The following DLG2 variants were observed in gnomAD, a reference collection of about 807,000 sequenced individuals.
DLG2 encodes disks large homolog 2.
DLG2 carries 45 observed loss-of-function variants against 132.5 expected under a neutral mutation model. The ratio of observed to expected loss-of-function variants is 0.34; its 90% CI spans 0.27 to 0.44. DLG2 has a LOEUF of 0.44. Among genes scored for constraint, DLG2 ranks in the 20% least tolerant of loss-of-function variants. DLG2 has a pLI of 1.00. For missense variants in DLG2, 1,045 were observed against 1,196.9 expected, an observed-to-expected ratio of 0.87 and a Z score of 1.87; for synonymous variants, 424 against 419.6, an observed-to-expected ratio of 1.01 and a Z score of -0.13.
intron 4 of DLG2, among the ~76,000 whole-genome samples, chr11:85,177,558 C>A (rs1260869393): frequency 1.3e-5 from 2 of 152,066 alleles, no homozygotes; most frequent in Admixed American, 1.3e-4. Flanking sequence ...GGAAGAAAAG[C>A]TAATGGATGC....
chr11:84,663,929 C>T (rs1021649216), intron 6 of DLG2, among the ~76,000 whole-genome samples: 7 of 152,148 alleles, frequency 4.6e-5, no homozygotes, highest in Non-Finnish European at 1.0e-4. Context: ...AGATCTGGTG[C>T]CCAGGCAGGC....
chr11:84,905,393 C>A (rs1018023020), intron 6 of DLG2, among the ~76,000 whole-genome samples: 1 of 152,132 alleles, frequency 6.6e-6, no homozygotes, highest in Non-Finnish European at 1.5e-5. Flanking sequence ...TAAAAGACAG[C>A]CCCCAATAGA....
At chr11:84,755,577 C>T (rs537221548) in intron 6 of DLG2, among the ~76,000 whole-genome samples, 1 of 152,338 alleles carries the variant, frequency 6.6e-6, no homozygotes, top group African/African-American at 2.4e-5. Context: ...GCACCCGCCA[C>T]CACGCCCGGC....
intron 6 of DLG2, among the ~76,000 whole-genome samples, chr11:84,889,327 G>A (rs1425778797): frequency 6.6e-6 from 1 of 152,132 alleles, no homozygotes; most frequent in Non-Finnish European, 1.5e-5. Flanking sequence ...ACTGAGGGCT[G>A]TAAAAATCTC....
intron 15 of DLG2, among the ~76,000 whole-genome samples, chr11:83,890,717 A>T (rs2069545075): frequency 6.6e-6 from 1 of 152,196 alleles, no homozygotes; most frequent in Non-Finnish European, 1.5e-5. Context: ...GCAAAGTATG[A>T]AGCATGGAAA....
chr11:83,640,791 T>G (rs551736826), intron 18 of DLG2, among the ~76,000 whole-genome samples: 1 of 152,204 alleles, frequency 6.6e-6, no homozygotes, highest in Non-Finnish European at 1.5e-5. Context: ...CCTTCTATCA[T>G]GGAAAGACGC....
intron 6 of DLG2, among the ~76,000 whole-genome samples, chr11:84,764,466 G>A (rs2068105360): frequency 1.3e-5 from 2 of 152,010 alleles, no homozygotes; most frequent in Admixed American, 6.6e-5. Flanking sequence ...CTCATTTTCT[G>A]CCAAGCACTG....
intron 4 of DLG2, among the ~76,000 whole-genome samples, chr11:85,283,657 G>A (rs748826666): frequency 4.0e-5 from 6 of 151,668 alleles, no homozygotes; most frequent in South Asian, 2.1e-4. Flanking sequence ...TAGTGAACAC[G>A]TAACTGCAAT....
chr11:83,505,004 C>T (rs943283362), intron 21 of DLG2, among the ~76,000 whole-genome samples: 2 of 151,998 alleles, frequency 1.3e-5, no homozygotes, highest in African/African-American at 4.8e-5. Context: ...AAAGTGAGTG[C>T]CTTGGTCAGA....
intron 18 of DLG2, among the ~76,000 whole-genome samples, chr11:83,644,895 T>C (rs1438578221): frequency 6.6e-6 from 1 of 152,128 alleles, no homozygotes; most frequent in Non-Finnish European, 1.5e-5. Flanking sequence ...TAGTACCATT[T>C]GTTATAAATT....
intron 3 of DLG2, among the ~76,000 whole-genome samples, chr11:85,418,149 T>C (rs1466605698): frequency 6.6e-6 from 1 of 152,200 alleles, no homozygotes; most frequent in Non-Finnish European, 1.5e-5. Context: ...TTTGTTTTTG[T>C]TCTCATTGGT....
At chr11:84,996,206 T>C (rs1203447758) in intron 6 of DLG2, among the ~76,000 whole-genome samples, 1 of 152,150 alleles carries the variant, frequency 6.6e-6, no homozygotes, top group African/African-American at 2.4e-5. Flanking sequence ...TTTTTATTTA[T>C]TTATCTTGGA....
At chr11:83,522,766 A>C (rs2095513443) in intron 21 of DLG2, among the ~76,000 whole-genome samples, 1 of 151,218 alleles carries the variant, frequency 6.6e-6, no homozygotes, top group African/African-American at 2.4e-5. Flanking sequence ...CAGGTCATGT[A>C]GTCAGAAAAG....
chr11:83,473,347 T>C (rs1472317369), intron 22 of DLG2, among the ~76,000 whole-genome samples: 1 of 152,116 alleles, frequency 6.6e-6, no homozygotes, highest in Non-Finnish European at 1.5e-5. Context: ...TCCTACATCA[T>C]TGGTTATAAT....
At chr11:84,875,096 T>C (rs2086135639) in intron 6 of DLG2, among the ~76,000 whole-genome samples, 1 of 151,084 alleles carries the variant, frequency 6.6e-6, no homozygotes, top group Non-Finnish European at 1.5e-5. Context: ...GGCAGAAAAG[T>C]GAGTCATGGT....
chr11:84,359,341 T>C (rs1325416542), intron 7 of DLG2, among the ~76,000 whole-genome samples: 1 of 151,880 alleles, frequency 6.6e-6, no homozygotes, highest in Admixed American at 6.6e-5. Context: ...CCTTTAATCT[T>C]AACACCCCAT....
chr11:84,918,243 C>A (rs1280284297), intron 6 of DLG2, among the ~76,000 whole-genome samples: 1 of 151,964 alleles, frequency 6.6e-6, no homozygotes, highest in Non-Finnish European at 1.5e-5. Context: ...GAGGGCAATA[C>A]CCAAACATAA....
In DLG2 at chr11:85,602,720, C is replaced by T. The variant is rs1201301343; in HGVS notation, c.-92-3932G>A. 3.3e-5 allele frequency among the ~76,000 whole-genome samples: 5 copies of T among 152,180 alleles called. No homozygotes were observed. In the South Asian group the frequency reaches 1.0e-3, roughly 31 times the overall value. ...CCATCCCACTCAGAGCAAAGGCCCACCTCTCTGACTTCAGCTCTTAGACCT... is the reference window on the plus strand; with the variant it reads ...CCATCCCACTCAGAGCAAAGGCCCATCTCTCTGACTTCAGCTCTTAGACCT... On this transcript the variant is annotated intron_variant, in intron 2 of 27. Coordinates refer to ENST00000376104, the MANE Select transcript of DLG2 (RefSeq NM_001142699.3).
intron 7 of DLG2, among the ~76,000 whole-genome samples, chr11:84,425,897 A>C (rs2098964863): frequency 6.6e-6 from 1 of 152,130 alleles, no homozygotes; most frequent in South Asian, 2.1e-4. Context: ...TCAAAGTAGC[A>C]ATTAATGCAA....
Sources: gnomAD v4.1 joint callset for allele counts (sites outside exome capture counted in the v4.1 genomes callset) on GRCh38, gnomAD v4.1.1 for gene constraint, MANE v1.5 for transcripts, NCBI Gene and HGNC (gene_info 2026-07-23, HGNC 2026-07-21) for gene names.